PPFIBP2: variants seen among roughly 807,000 people sequenced by gnomAD.
PPFIBP2 encodes the protein liprin-beta-2.
PPFIBP2 carries 118 observed loss-of-function variants against 118.3 expected under a neutral mutation model. That is an observed-to-expected ratio of 1.00 (90% CI 0.86 to 1.16). The LOEUF is 1.16. PPFIBP2 is among the 50% of genes most tolerant of loss of function. The pLI is 0.00. For missense variants in PPFIBP2, 1,195 were observed against 1,073.1 expected, an observed-to-expected ratio of 1.11 and a Z score of -1.59; for synonymous variants, 414 against 397.4, an observed-to-expected ratio of 1.04 and a Z score of -0.50.
At chr11:7,626,900 G>T (rs772986902) in intron 8 of PPFIBP2, among the ~76,000 whole-genome samples, 12 of 152,218 alleles carry the variant, frequency 7.9e-5, no homozygotes, top group Admixed American at 3.3e-4. Flanking sequence ...GGCTTAGGCT[G>T]GAGAAGGAAA....
chr11:7,590,852 G>A (rs1001747028), intron 3 of PPFIBP2, among the ~76,000 whole-genome samples: 1 of 152,212 alleles, frequency 6.6e-6, no homozygotes. Flanking sequence ...GGGTGTCATG[G>A]ATATTGCTGA....
the PPFIBP2 span, among the ~76,000 whole-genome samples, chr11:7,662,735 C>A: frequency 2.6e-5 from 4 of 151,156 alleles, no homozygotes; most frequent in Admixed American, 6.6e-5. Flanking sequence ...TAATATCCTG[C>A]AGAGTGTTCT....
downstream of PPFIBP2, among the ~76,000 whole-genome samples, chr11:7,659,463 G>A (rs1401988677): frequency 3.9e-4 from 58 of 149,034 alleles, 1 homozygote; most frequent in Admixed American, 1.1e-3. Flanking sequence ...GTAGATATGT[G>A]GCGTTATTTC....
At chr11:7,664,257 G>A in the PPFIBP2 span, among the ~76,000 whole-genome samples, 1 of 152,208 alleles carries the variant, frequency 6.6e-6, no homozygotes, top group East Asian at 1.9e-4. Context: ...TTGGAAACAT[G>A]AATCATATTT....
chr11:7,603,476 C>T (rs1361162433), intron 5 of PPFIBP2, among the ~76,000 whole-genome samples: 1 of 152,196 alleles, frequency 6.6e-6, no homozygotes, highest in Admixed American at 6.5e-5. Context: ...GGCAAAGAGA[C>T]TTATTTTTCC....
rs759203260 is a variant in PPFIBP2 at position 7,565,536 on chromosome 11, CCTCT to C, written c.65-11_65-8del. On this transcript the variant is annotated splice_polypyrimidine_tract_variant and intron_variant, in intron 2 of 23. Coordinates refer to ENST00000299492, the MANE Select transcript of PPFIBP2 (RefSeq NM_003621.5). The stretch of plus-strand genomic sequence containing the variant: ...GTCCACCCTTCTTACTGAGTTTTCA[CCTCT>C]CTCTCATTGCAGGCACTAAAACAGG... The C allele has an allele frequency of 1.2e-6, 2 of 1,613,288 alleles. No homozygotes were observed. The highest frequency in any genetic ancestry group is 1.7e-6 in the Non-Finnish European group (2 of 1,179,370).
At chr11:7,586,136 C>A (rs200651350) in intron 3 of PPFIBP2, among the ~76,000 whole-genome samples, 1 of 152,160 alleles carries the variant, frequency 6.6e-6, no homozygotes, top group East Asian at 1.9e-4. Flanking sequence ...GTCACTGTCA[C>A]AGAGGCTTTC....
intron 15 of PPFIBP2, 78 bp from the exon 16 acceptor site, chr11:7,641,401 G>A: frequency 6.7e-7 from 1 of 1,501,488 alleles, no homozygotes; most frequent in Non-Finnish European, 9.1e-7. Flanking sequence ...CACTGAAGGG[G>A]AGGGCCCAGG....
intron 1 of PPFIBP2, among the ~76,000 whole-genome samples, chr11:7,526,041 G>A (rs1461599063): frequency 6.6e-6 from 1 of 152,206 alleles, no homozygotes; most frequent in African/African-American, 2.4e-5. Context: ...TTGACATAAT[G>A]TAAGAAATTT....
chr11:7,520,474 A>G (rs990227406), intron 1 of PPFIBP2, among the ~76,000 whole-genome samples: 11 of 151,118 alleles, frequency 7.3e-5, no homozygotes, highest in African/African-American at 2.4e-4. Flanking sequence ...AGAATTTTTC[A>G]GTTTAGAAGT....
intron 1 of PPFIBP2, among the ~76,000 whole-genome samples, chr11:7,521,981 G>A (rs1288483806): frequency 2.0e-5 from 3 of 152,138 alleles, no homozygotes; most frequent in African/African-American, 7.2e-5. Flanking sequence ...TTGAAAGTTG[G>A]AGCTATATAA....
intron 14 of PPFIBP2, among the ~76,000 whole-genome samples, chr11:7,637,963 G>A (rs1851661791): frequency 6.6e-6 from 1 of 152,196 alleles, no homozygotes. Flanking sequence ...GAGGGAGCAT[G>A]CGTGATGATG....
At chr11:7,662,597 A>C in the PPFIBP2 span, among the ~76,000 whole-genome samples, 1 of 148,982 alleles carries the variant, frequency 6.7e-6, no homozygotes, top group Non-Finnish European at 1.5e-5. Flanking sequence ...CCTTCGTTTC[A>C]ACTTTGGTGA....
At chr11:7,639,605 G>A in intron 14 of PPFIBP2, 127 bp from the exon 15 acceptor site, 2 of 1,164,160 alleles carry the variant, frequency 1.7e-6, no homozygotes, top group East Asian at 4.8e-5. Context: ...AATCTTTGAG[G>A]GGTGTTCAAG....
At chr11:7,647,091 A>C (rs1853206261) in intron 17 of PPFIBP2, among the ~76,000 whole-genome samples, 1 of 152,230 alleles carries the variant, frequency 6.6e-6, no homozygotes, top group Non-Finnish European at 1.5e-5. Flanking sequence ...CATTTGATCT[A>C]AAATGGGGCA....
chr11:7,613,157 C>CT (rs1202821595), intron 6 of PPFIBP2, among the ~76,000 whole-genome samples: 1 of 152,090 alleles, frequency 6.6e-6, no homozygotes, highest in Non-Finnish European at 1.5e-5. Context: ...TTAGCTCAGG[C>CT]TTTATCCTCA....
intron 1 of PPFIBP2, among the ~76,000 whole-genome samples, chr11:7,520,159 G>C (rs1849616099): frequency 6.6e-6 from 1 of 152,226 alleles, no homozygotes; most frequent in Admixed American, 6.5e-5. Context: ...TGAGCGCCTG[G>C]GTGCAGGCAG....
At chr11:7,560,609 T>C (rs543976672) in intron 2 of PPFIBP2, among the ~76,000 whole-genome samples, 1 of 152,370 alleles carries the variant, frequency 6.6e-6, no homozygotes, top group South Asian at 2.1e-4. Flanking sequence ...TATTCTTATA[T>C]ATTAATCTTT....
At chr11:7,605,320 G>A (rs1847207431) in intron 5 of PPFIBP2, among the ~76,000 whole-genome samples, 1 of 152,178 alleles carries the variant, frequency 6.6e-6, no homozygotes, top group Non-Finnish European at 1.5e-5. Context: ...GCAAATACGA[G>A]GAGAGATTAT....
Sources: allele counts gnomAD v4.1 joint callset (sites outside exome capture counted in the v4.1 genomes callset), GRCh38; gene constraint gnomAD v4.1.1; transcripts MANE v1.5; gene names NCBI Gene and HGNC (gene_info 2026-07-23, HGNC 2026-07-21).